Variants in GRIA1 observed in about 807,000 individuals in gnomAD.
GRIA1 encodes the protein glutamate receptor 1.
A neutral mutation model predicts 99.2 loss-of-function variants in GRIA1; 31 were observed. The observed-to-expected ratio is 0.31, with a 90% CI of 0.23 to 0.42. The LOEUF (loss-of-function observed/expected upper bound fraction) is 0.42. GRIA1 is among the 10% of genes least tolerant of loss of function. GRIA1 has a pLI of 1.00. For synonymous variants in GRIA1, 438 were observed against 432.4 expected (o/e 1.01, Z -0.16); for missense variants, 782 against 1,157.5 (o/e 0.68, Z 4.71).
In GRIA1 at chr5:153,707,605, G is replaced by A. The variant is rs367740986; in HGVS notation, c.1823+1538G>A. Among the ~76,000 whole-genome samples, 266 of 152,236 alleles carry A rather than the reference G, an allele frequency of 1.7e-3. 3 individuals are homozygous for A. In the South Asian group the frequency reaches 0.044, roughly 25 times the overall value. On this transcript the variant is annotated intron_variant, in intron 11 of 15. Transcript: ENST00000285900. ...CATGGACAGATCTGGAGGCATAAGT[G>A]CATAATATCAAGGTCTCATAGACAT... is the stretch of plus-strand genomic sequence containing the variant.
intron 2 of GRIA1, among the ~76,000 whole-genome samples, chr5:153,543,152 T>A (rs1279488019): frequency 6.6e-6 from 1 of 152,100 alleles, no homozygotes; most frequent in African/African-American, 2.4e-5. Flanking sequence ...GTGATGGAGA[T>A]GTGATGGAGG....
At chr5:153,720,196 G>A (rs935274488) in intron 11 of GRIA1, among the ~76,000 whole-genome samples, 2 of 152,196 alleles carry the variant, frequency 1.3e-5, no homozygotes, top group African/African-American at 4.8e-5. Flanking sequence ...TTAGCATCGA[G>A]CATTTTATAA....
In GRIA1 at chr5:153,705,876, T is replaced by C; in HGVS notation, c.1632T>C (p.Val544=). The change falls in exon 11 of 16, where the codon GTT becomes GTC. Residue 544 remains valine (V), a synonymous_variant. Coordinates refer to ENST00000285900, the MANE Select transcript of GRIA1 (RefSeq NM_000827.4). The stretch of plus-strand genomic sequence containing the variant: ...CTTATGAGATTTGGATGTGCATTGT[T>C]TTTGCCTACATTGGAGTGAGTGTTG... The part of the protein sequence containing the change: ...PLAYEIWMCI[V]FAYIGVSVVL... 2.5e-6 allele frequency: 4 copies of C among 1,613,916 alleles called. No individual in the cohort carries two copies. Among genetic ancestry groups the C allele is most frequent in the Non-Finnish European group, 3.4e-6 (4 of 1,179,954 alleles).
chr5:153,655,715 A>G, intron 4 of GRIA1, 104 bp from the exon 5 acceptor site: 1 of 869,256 alleles, frequency 1.2e-6, no homozygotes. Flanking sequence ...TACTTAGGGT[A>G]GGGCACATTG....
intron 7 of GRIA1, among the ~76,000 whole-genome samples, chr5:153,684,350 CA>C (rs563866192): frequency 6.6e-6 from 1 of 152,070 alleles, no homozygotes; most frequent in Non-Finnish European, 1.5e-5. Flanking sequence ...AAGCATTGAT[CA>C]AAAAATATCT....
chr5:153,618,806 A>G (rs946376319), intron 2 of GRIA1, among the ~76,000 whole-genome samples: 3 of 152,252 alleles, frequency 2.0e-5, no homozygotes, highest in Admixed American at 1.3e-4. Context: ...AGTATTTATT[A>G]CCTGTGACAC....
rs192615382 is a variant in GRIA1 at position 153,620,390 on chromosome 5, A to G, written c.221-26538A>G. Among the ~76,000 whole-genome samples, 167 of 152,216 alleles carry G rather than the reference A, an allele frequency of 1.1e-3. 1 individual carries two copies. The highest frequency in any genetic ancestry group is 7.9e-3 in the South Asian group (38 of 4,818). On this transcript the variant is annotated intron_variant, in intron 2 of 15. Coordinates refer to ENST00000285900, the MANE Select transcript of GRIA1 (RefSeq NM_000827.4). ...CAAGCACTTAAAGGAACACCAAATC[A>G]TTTGAGTGCACAGGCAATGACACCA...
intron 13 of GRIA1, among the ~76,000 whole-genome samples, chr5:153,792,644 T>C (rs1765370739): frequency 6.6e-6 from 1 of 152,184 alleles, no homozygotes; most frequent in Admixed American, 6.5e-5. Flanking sequence ...AAAATACCCT[T>C]TGTGTGTTAT....
chr5:153,582,844 G>T (rs1763160440), intron 2 of GRIA1, among the ~76,000 whole-genome samples: 1 of 151,986 alleles, frequency 6.6e-6, no homozygotes, highest in Non-Finnish European at 1.5e-5. Context: ...TGTCACCCAG[G>T]CTGGAGTTCA....
intron 11 of GRIA1, among the ~76,000 whole-genome samples, chr5:153,721,792 T>C (rs1760088259): frequency 1.3e-5 from 2 of 152,194 alleles, no homozygotes; most frequent in Non-Finnish European, 2.9e-5. Flanking sequence ...TTGTTCCCAG[T>C]GTAAGGCCAT....
At chr5:153,657,709 A>T (rs1581415813) in intron 5 of GRIA1, among the ~76,000 whole-genome samples, 2 of 152,146 alleles carry the variant, frequency 1.3e-5, no homozygotes, top group Middle Eastern at 6.8e-3. Flanking sequence ...TCCCTGCCTT[A>T]CTCTTCTTTC....
chr5:153,703,288 T>C (rs1230055840), intron 10 of GRIA1, among the ~76,000 whole-genome samples: 1 of 152,224 alleles, frequency 6.6e-6, no homozygotes, highest in Non-Finnish European at 1.5e-5. Context: ...TTCTACTTAC[T>C]CCTCTTGGAA....
Position 153,811,577 on chromosome 5 carries a change from G to A in GRIA1, c.*352G>A. ...CTGTTTTATTTTAATTCAGTTGTTAGTGTGTCTTAGTGTGTGCAATTTTTT... is the reference window on the plus strand; with the variant it reads ...CTGTTTTATTTTAATTCAGTTGTTAATGTGTCTTAGTGTGTGCAATTTTTT... On this transcript the variant is annotated 3_prime_UTR_variant, in exon 16 of 16. Transcript: ENST00000285900. 1 of 194,548 alleles carries A rather than the reference G, an allele frequency of 5.1e-6. No homozygotes were observed. Among genetic ancestry groups the A allele is most frequent in the Non-Finnish European group, 1.1e-5 (1 of 92,872 alleles). The allele number at this position is 194,548 out of a possible 1,614,324, so 12.1% of individuals were successfully genotyped here.
intron 5 of GRIA1, among the ~76,000 whole-genome samples, chr5:153,658,694 C>T (rs1039015290): frequency 1.3e-5 from 2 of 152,146 alleles, no homozygotes; most frequent in African/African-American, 4.8e-5. Context: ...CCCACTCCTT[C>T]GGAATGTTTG....
At chr5:153,695,622 G>A (rs1758039836) in intron 8 of GRIA1, among the ~76,000 whole-genome samples, 1 of 152,190 alleles carries the variant, frequency 6.6e-6, no homozygotes, top group South Asian at 2.1e-4. Flanking sequence ...AAAGGAAAAA[G>A]TTGGACAAAA....
intron 8 of GRIA1, among the ~76,000 whole-genome samples, chr5:153,687,333 A>G (rs1226074438): frequency 6.6e-6 from 1 of 152,078 alleles, no homozygotes; most frequent in African/African-American, 2.4e-5. Context: ...GGTTCCGGAT[A>G]ATTTATTTGA....
At chr5:153,697,437 C>T (rs550006760) in intron 8 of GRIA1, among the ~76,000 whole-genome samples, 6 of 152,128 alleles carry the variant, frequency 3.9e-5, no homozygotes, top group Non-Finnish European at 8.8e-5. Context: ...AAATAACCTA[C>T]TCAAATTTGA....
At chr5:153,578,116 G>A (rs796756178) in intron 2 of GRIA1, among the ~76,000 whole-genome samples, 41 of 119,550 alleles carry the variant, frequency 3.4e-4, no homozygotes, top group African/African-American at 7.5e-4. Context: ...ACACCATTGC[G>A]CCCCAGCCTG....
chr5:153,804,709 C>A lies in GRIA1; in HGVS notation c.2520+2219C>A, dbSNP rs766697662. Among the ~76,000 whole-genome samples, 9 of 147,262 alleles carry A rather than the reference C, an allele frequency of 6.1e-5. No individual in the cohort carries two copies. The South Asian group carries it at 6.5e-4, about 11-fold the overall frequency. On this transcript the variant is annotated intron_variant, in intron 15 of 15. Coordinates refer to ENST00000285900, the MANE Select transcript of GRIA1 (RefSeq NM_000827.4). ...TCTTAGGTTTTAGTAACTCTCTGATCCTTATTAATTAATTAATTAATTAAT... is the reference window on the plus strand; with the variant it reads ...TCTTAGGTTTTAGTAACTCTCTGATACTTATTAATTAATTAATTAATTAAT...
Sources: gnomAD v4.1 joint callset for allele counts (sites outside exome capture counted in the v4.1 genomes callset) on GRCh38, gnomAD v4.1.1 for gene constraint, MANE v1.5 for transcripts, NCBI Gene and HGNC (gene_info 2026-07-23, HGNC 2026-07-21) for gene names.